The following SMARCAD1 variants were observed in gnomAD, a reference collection of about 807,000 sequenced individuals.
The protein encoded by SMARCAD1 is SWI/SNF-related matrix-associated actin-dependent regulator of chromatin subfamily A containing DEAD/H box 1.
Under a neutral mutation model 127.1 loss-of-function variants are expected in SMARCAD1, and 25 were observed. That is an observed-to-expected ratio of 0.20 (90% CI 0.14 to 0.27). SMARCAD1 has a LOEUF of 0.27. Ranked by LOEUF, SMARCAD1 falls within the 10% of genes least tolerant of loss-of-function variation. The pLI, the probability that SMARCAD1 is intolerant of heterozygous loss-of-function variation, is 1.00. For synonymous variants in SMARCAD1, 400 were observed against 396.9 expected, an observed-to-expected ratio of 1.01 and a Z score of -0.09; for missense variants, 807 against 1,206.0, an observed-to-expected ratio of 0.67 and a Z score of 4.90.
chr4:94,247,186 A>G (rs1748566833), intron 6 of SMARCAD1, among the ~76,000 whole-genome samples: 1 of 152,216 alleles, frequency 6.6e-6, no homozygotes, highest in East Asian at 1.9e-4. Context: ...TAGCCCATAC[A>G]TCATGGGTCA....
chr4:94,253,106 G>A lies in SMARCAD1; in HGVS notation c.1281+99G>A. ...GTCTTCAGCCCAGGTAAGCATAGAT[G>A]GGTGGCCTTATCCTGTGTAAAGTCA... On this transcript the variant is annotated intron_variant, in intron 9 of 23. Coordinates refer to ENST00000354268, the MANE Select transcript of SMARCAD1 (RefSeq NM_020159.5). 3.2e-6 allele frequency: 5 copies of A among 1,580,080 alleles called. 1 individual carries two copies. The highest frequency in any genetic ancestry group is 1.7e-4 in the Middle Eastern group (1 of 5,934).
At position 94,270,709 on chromosome 4, in the gene SMARCAD1, G is replaced by T; in HGVS notation, c.1482-19G>T. ...TAGAAATATAGATGTGTAATATTTG[G>T]TAACTCTCTCTTTACCAGTTTGTCA... is the stretch of plus-strand genomic sequence containing the variant. On this transcript the variant is annotated intron_variant, in intron 10 of 23. Transcript: ENST00000354268. 6.3e-7 allele frequency: 1 copy of T among 1,597,480 alleles called. No individual in the cohort carries two copies. Among genetic ancestry groups the T allele is most frequent in the East Asian group, 2.2e-5 (1 of 44,656 alleles).
chr4:94,213,329 AATC>A (rs1359899095), intron 2 of SMARCAD1, among the ~76,000 whole-genome samples: 1 of 152,140 alleles, frequency 6.6e-6, no homozygotes, highest in Non-Finnish European at 1.5e-5. Flanking sequence ...TAAACAATGA[AATC>A]ATTGTTTACT....
chr4:94,247,319 A>G (rs1369756763), intron 6 of SMARCAD1, among the ~76,000 whole-genome samples: 1 of 152,160 alleles, frequency 6.6e-6, no homozygotes, highest in Non-Finnish European at 1.5e-5. Context: ...AGACAGATAC[A>G]GTCCCAAATT....
intron 23 of SMARCAD1, among the ~76,000 whole-genome samples, chr4:94,286,146 C>T (rs532285260): frequency 6.6e-6 from 1 of 152,182 alleles, no homozygotes; most frequent in Non-Finnish European, 1.5e-5. Flanking sequence ...TTTTCAACCT[C>T]CTGTGAAGTG....
chr4:94,270,005 T>C (rs1011784989), intron 10 of SMARCAD1, among the ~76,000 whole-genome samples: 2 of 151,932 alleles, frequency 1.3e-5, no homozygotes, highest in African/African-American at 4.8e-5. Context: ...TTCCAAACAA[T>C]TCATTCTCAG....
At chr4:94,210,583 A>G (rs1742049154) in intron 2 of SMARCAD1, among the ~76,000 whole-genome samples, 1 of 152,108 alleles carries the variant, frequency 6.6e-6, no homozygotes. Context: ...GAAGAAAGAG[A>G]TATGAGAGGT....
At chr4:94,264,668 G>T in intron 9 of SMARCAD1, 39 bp from the exon 10 acceptor site, 3 of 1,563,844 alleles carry the variant, frequency 1.9e-6, no homozygotes, top group South Asian at 1.1e-5. Flanking sequence ...CTCTTTCCTA[G>T]ATCTGAACTA....
At chr4:94,284,171 A>G (rs1228785084) in intron 22 of SMARCAD1, among the ~76,000 whole-genome samples, 3 of 148,866 alleles carry the variant, frequency 2.0e-5, no homozygotes, top group Non-Finnish European at 4.5e-5. Flanking sequence ...AATACAAAAA[A>G]AAAAAATTAG....
chr4:94,224,202 A>G (rs1289194976), intron 2 of SMARCAD1, among the ~76,000 whole-genome samples: 2 of 152,178 alleles, frequency 1.3e-5, no homozygotes, highest in Non-Finnish European at 2.9e-5. Flanking sequence ...AATGTTTATA[A>G]AATTGTTCTT....
intron 21 of SMARCAD1, among the ~76,000 whole-genome samples, chr4:94,282,385 C>T (rs948460026): frequency 5.3e-5 from 8 of 151,572 alleles, no homozygotes; most frequent in South Asian, 4.2e-4. Flanking sequence ...CGTGAGCCAC[C>T]GCGCCCGGCG....
intron 9 of SMARCAD1, among the ~76,000 whole-genome samples, chr4:94,254,400 A>G (rs993412451): frequency 3.9e-5 from 6 of 152,106 alleles, no homozygotes; most frequent in Non-Finnish European, 5.9e-5. Flanking sequence ...AAGATATGCA[A>G]TTATCTGCAC....
chr4:94,217,380 T>A (rs1296494331), intron 2 of SMARCAD1, among the ~76,000 whole-genome samples: 1 of 152,148 alleles, frequency 6.6e-6, no homozygotes, highest in Non-Finnish European at 1.5e-5. Flanking sequence ...TAATCTTAAT[T>A]TACCAGATTA....
chr4:94,234,475 G>A (rs1039628849), intron 4 of SMARCAD1, among the ~76,000 whole-genome samples: 1 of 152,096 alleles, frequency 6.6e-6, no homozygotes, highest in African/African-American at 2.4e-5. Context: ...GTTTTTAGTG[G>A]CATTTAGTGC....
chr4:94,264,693 T>G lies in SMARCAD1; in HGVS notation c.1282-14T>G. The G allele has an allele frequency of 6.2e-7, 1 of 1,605,366 alleles. No homozygotes were observed. Among genetic ancestry groups the G allele is most frequent in the Non-Finnish European group, 8.5e-7 (1 of 1,174,484 alleles). ...GATCTGAACTATTCAATTATTTTTC[T>G]TTTTATGCTATAGTTCACAAAGATG... On this transcript the variant is annotated splice_polypyrimidine_tract_variant and intron_variant, in intron 9 of 23. Coordinates refer to ENST00000354268, the MANE Select transcript of SMARCAD1 (RefSeq NM_020159.5).
chr4:94,284,207 G>T (rs939004222), intron 22 of SMARCAD1, among the ~76,000 whole-genome samples: 1 of 150,688 alleles, frequency 6.6e-6, no homozygotes, highest in Non-Finnish European at 1.5e-5. Context: ...GGCGCCTGTA[G>T]TCCCAGCTAC....
At chr4:94,287,817 A>G (rs1755158468) in intron 23 of SMARCAD1, among the ~76,000 whole-genome samples, 1 of 152,010 alleles carries the variant, frequency 6.6e-6, no homozygotes, top group Non-Finnish European at 1.5e-5. Flanking sequence ...AATCATGACT[A>G]CATACTTTTT....
intron 2 of SMARCAD1, among the ~76,000 whole-genome samples, chr4:94,212,736 C>T: frequency 6.6e-6 from 1 of 152,204 alleles, no homozygotes; most frequent in Non-Finnish European, 1.5e-5. Flanking sequence ...ATCTGCCTGC[C>T]TTGGCCTCCC....
chr4:94,253,300 T>TA (rs1170099727), intron 9 of SMARCAD1: 1 of 1,385,086 alleles, frequency 7.2e-7, no homozygotes, highest in Non-Finnish European at 9.5e-7. Flanking sequence ...GAAGAAGAAA[T>TA]TAGAGCTTAC....
Sources: gnomAD v4.1 joint callset for allele counts (sites outside exome capture counted in the v4.1 genomes callset) on GRCh38, gnomAD v4.1.1 for gene constraint, MANE v1.5 for transcripts, NCBI Gene and HGNC (gene_info 2026-07-23, HGNC 2026-07-21) for gene names.